Variants in SPOCK3 observed in about 807,000 individuals in gnomAD.
The protein encoded by SPOCK3 is SPARC (osteonectin), cwcv and kazal like domains proteoglycan 3.
Under a neutral mutation model 56.6 loss-of-function variants are expected in SPOCK3, and 30 were observed. The observed-to-expected ratio is 0.53, with a 90% confidence interval of 0.40 to 0.72. SPOCK3 has a LOEUF of 0.72. SPOCK3 is among the 30% of genes least tolerant of loss of function. The probability of loss-of-function intolerance (pLI) is 0.00; values close to 1 mark genes in which losing one functional copy is unlikely to be tolerated. For missense variants in SPOCK3, 527 were observed against 530.0 expected, an observed-to-expected ratio of 0.99 and a Z score of 0.06; for synonymous variants, 196 against 183.3, an observed-to-expected ratio of 1.07 and a Z score of -0.56.
intron 8 of SPOCK3, 72 bp downstream of exon 8, chr4:166,754,436 A>G: frequency 1.9e-6 from 3 of 1,538,612 alleles, no homozygotes; most frequent in Non-Finnish European, 2.6e-6. Flanking sequence ...GTACTGTTTT[A>G]TTTTCTTAAA....
chr4:166,808,394 A>G (rs1274626584), intron 6 of SPOCK3, among the ~76,000 whole-genome samples: 1 of 152,070 alleles, frequency 6.6e-6, no homozygotes, highest in African/African-American at 2.4e-5. Context: ...AAATGAGGAC[A>G]TATAGGTGGG....
chr4:167,033,763 G>T (rs1286939758), intron 3 of SPOCK3, among the ~76,000 whole-genome samples: 1 of 151,668 alleles, frequency 6.6e-6, no homozygotes, highest in African/African-American at 2.4e-5. Flanking sequence ...TGAATTTAAG[G>T]TTGCTGTTAC....
intron 3 of SPOCK3, chr4:167,011,219 T>A: frequency 6.7e-6 from 3 of 448,656 alleles, no homozygotes; most frequent in Non-Finnish European, 1.3e-5. Context: ...GGGAAAAGCT[T>A]ACCTGGCAAG....
chr4:167,141,133 G>T (rs989275938), intron 2 of SPOCK3, among the ~76,000 whole-genome samples: 3 of 151,900 alleles, frequency 2.0e-5, no homozygotes, highest in Non-Finnish European at 4.4e-5. Flanking sequence ...GTCCTGATCA[G>T]CTAACAGATT....
chr4:166,800,183 G>GAAAAAAAAAAAAAAAA (rs367811359), intron 6 of SPOCK3, among the ~76,000 whole-genome samples: 739 of 51,640 alleles, frequency 0.014, 29 homozygotes, highest in East Asian at 0.032. Flanking sequence ...CTCCATCTCA[G>GAAAAAAAAAAAAAAAA]AAAAAAAAAA....
At chr4:167,028,567 T>C (rs1161969763) in intron 3 of SPOCK3, among the ~76,000 whole-genome samples, 1 of 152,036 alleles carries the variant, frequency 6.6e-6, no homozygotes, top group Non-Finnish European at 1.5e-5. Flanking sequence ...TTCGTGTCTA[T>C]CATGATCTCT....
intron 2 of SPOCK3, among the ~76,000 whole-genome samples, chr4:167,180,800 G>A (rs1259994047): frequency 6.6e-6 from 1 of 152,020 alleles, no homozygotes; most frequent in African/African-American, 2.4e-5. Flanking sequence ...GAATAAGAAC[G>A]TCCATGTAAG....
chr4:167,157,211 T>A (rs1365042298), intron 2 of SPOCK3, among the ~76,000 whole-genome samples: 1 of 152,056 alleles, frequency 6.6e-6, no homozygotes, highest in Non-Finnish European at 1.5e-5. Flanking sequence ...GCTTAGTTTG[T>A]TAGCTATTAT....
chr4:166,986,980 G>C (rs576647581), intron 4 of SPOCK3, among the ~76,000 whole-genome samples: 1 of 152,160 alleles, frequency 6.6e-6, no homozygotes, highest in Non-Finnish European at 1.5e-5. Flanking sequence ...TGACTAGCTG[G>C]ACCTAGAATT....
At chr4:166,852,169 G>A (rs1463265269) in intron 6 of SPOCK3, among the ~76,000 whole-genome samples, 4 of 152,114 alleles carry the variant, frequency 2.6e-5, no homozygotes, top group African/African-American at 4.8e-5. Flanking sequence ...AGGGGGGAGC[G>A]ATAGCATTGG....
chr4:167,180,589 T>C (rs990715109), intron 2 of SPOCK3, among the ~76,000 whole-genome samples: 2 of 152,212 alleles, frequency 1.3e-5, no homozygotes, highest in African/African-American at 4.8e-5. Context: ...CTCATTTTTA[T>C]GCACACAATG....
At chr4:167,197,612 A>G (rs1733082586) in intron 2 of SPOCK3, among the ~76,000 whole-genome samples, 1 of 88,290 alleles carries the variant, frequency 1.1e-5, no homozygotes, top group Non-Finnish European at 2.2e-5. Context: ...TTCAACCAGA[A>G]AAAAAAAAAA....
At chr4:167,108,188 C>A (rs1342409099) in intron 2 of SPOCK3, among the ~76,000 whole-genome samples, 1 of 151,672 alleles carries the variant, frequency 6.6e-6, no homozygotes, top group Non-Finnish European at 1.5e-5. Context: ...AAAAGGAAAC[C>A]CCCGTACACT....
At chr4:166,973,890 A>T (rs911893087) in intron 4 of SPOCK3, among the ~76,000 whole-genome samples, 2 of 152,154 alleles carry the variant, frequency 1.3e-5, no homozygotes, top group African/African-American at 4.8e-5. Context: ...GGAATACATA[A>T]ATATATATAC....
intron 6 of SPOCK3, among the ~76,000 whole-genome samples, chr4:166,863,686 C>T (rs954228511): frequency 1.3e-5 from 2 of 151,528 alleles, no homozygotes; most frequent in Non-Finnish European, 3.0e-5. Flanking sequence ...TCAAAAAAGA[C>T]AAAGGCAGAA....
At chr4:167,057,443 C>T (rs371845416) in intron 3 of SPOCK3, among the ~76,000 whole-genome samples, 4 of 152,042 alleles carry the variant, frequency 2.6e-5, no homozygotes, top group South Asian at 2.1e-4. Context: ...ACAATATTAA[C>T]TTTAAATGTA....
At chr4:166,896,227 G>A (rs1298914426) in intron 5 of SPOCK3, among the ~76,000 whole-genome samples, 1 of 152,094 alleles carries the variant, frequency 6.6e-6, no homozygotes, top group African/African-American at 2.4e-5. Context: ...GAGTCACCAA[G>A]GGAAATTTTC....
chr4:167,213,571 T>C (rs767045525), intron 2 of SPOCK3, among the ~76,000 whole-genome samples: 1 of 152,172 alleles, frequency 6.6e-6, no homozygotes, highest in East Asian at 1.9e-4. Context: ...TGCTACTTTA[T>C]GGATAAAATG....
intron 6 of SPOCK3, among the ~76,000 whole-genome samples, chr4:166,802,455 G>A (rs1331375218): frequency 2.0e-5 from 3 of 152,210 alleles, no homozygotes; most frequent in Non-Finnish European, 4.4e-5. Context: ...GGTGCTGGCA[G>A]ATTTAGCAGG....
Sources: gnomAD v4.1 joint callset for allele counts (sites outside exome capture counted in the v4.1 genomes callset) on GRCh38, gnomAD v4.1.1 for gene constraint, MANE v1.5 for transcripts, NCBI Gene and HGNC (gene_info 2026-07-23, HGNC 2026-07-21) for gene names.